Variants in DNAH7 observed in about 807,000 individuals in gnomAD.
DNAH7 encodes axonemal beta dynein heavy chain 7.
A neutral mutation model predicts 444.6 loss-of-function variants in DNAH7; 397 were observed. The observed-to-expected ratio is 0.89, with a 90% confidence interval of 0.82 to 0.97. The LOEUF is 0.97. Ranked by LOEUF, DNAH7 falls within the 50% of genes least tolerant of loss-of-function variation. The probability of loss-of-function intolerance (pLI) is 0.00; values close to 1 mark genes in which losing one functional copy is unlikely to be tolerated. For missense variants in DNAH7, 4,902 were observed against 4,800.8 expected (o/e 1.02, Z -0.62); for synonymous variants, 1,636 against 1,624.4 (o/e 1.01, Z -0.17).
chr2:196,022,146 A>G (rs753988994), intron 8 of DNAH7, among the ~76,000 whole-genome samples: 3 of 152,124 alleles, frequency 2.0e-5, no homozygotes, highest in Non-Finnish European at 2.9e-5. Context: ...AAATGTATAC[A>G]CCTTAATTTT....
chr2:195,843,940 C>A (rs908081730), intron 47 of DNAH7, among the ~76,000 whole-genome samples: 12 of 151,706 alleles, frequency 7.9e-5, no homozygotes, highest in African/African-American at 2.9e-4. Context: ...ACTAAAAATA[C>A]AAAAAATTAG....
At position 196,048,330 on chromosome 2, in the gene DNAH7, T is replaced by C. The variant is rs765963094; in HGVS notation, c.216A>G (p.Pro72=). ...GTTCATTTTTAACACTAAATGGTTC[T>C]GGACTCTCATCATCCTGCTTTACAC... ...HLSVKQDDES[P]EPFSVKNEQS... is the part of the protein sequence containing the mutation. The change falls in exon 4 of 65, where the codon CCA becomes CCG. Residue 72 remains proline (P), a synonymous_variant. Coordinates refer to ENST00000312428, the MANE Select transcript of DNAH7 (RefSeq NM_018897.3). 17 of 1,613,940 alleles carry C rather than the reference T, an allele frequency of 1.1e-5. No homozygotes were observed. Among genetic ancestry groups the C allele is most frequent in the Middle Eastern group, 1.6e-4 (1 of 6,084 alleles).
chr2:195,806,771 A>T lies in DNAH7; in HGVS notation c.10145T>A (p.Met3382Lys), dbSNP rs778993421. ...TGGCCTCAAGCAACGAATAATAAGC[A>T]TCCTTTGAAACTCATTTGCTTTATC... ...WEDKANEFQR[M>K]LIIRCLRPDK... Residue 3382 changes from methionine to lysine, a missense_variant, in exon 54 of 65, where the codon ATG (methionine) becomes AAG (lysine). Physicochemically the swap from Met to Lys is moderately conservative, Grantham distance 95. Transcript: ENST00000312428. 1 of 1,613,696 alleles carries T rather than the reference A, an allele frequency of 6.2e-7. No individual in the cohort carries two copies. The highest frequency in any genetic ancestry group is 1.1e-5 in the South Asian group (1 of 91,064).
At chr2:195,971,358 C>G (rs575270909) in intron 16 of DNAH7, among the ~76,000 whole-genome samples, 16 of 152,216 alleles carry the variant, frequency 1.1e-4, no homozygotes, top group African/African-American at 3.9e-4. Flanking sequence ...AGTCACTGTG[C>G]TGGGAAGTGG....
At chr2:195,910,229 T>A (rs1199824032) in intron 24 of DNAH7, 34 bp from the exon 25 acceptor site, 1 of 1,477,394 alleles carries the variant, frequency 6.8e-7, no homozygotes, top group East Asian at 2.5e-5. Context: ...CTTTGTAGAA[T>A]AATGTGATTT....
At chr2:195,944,270 C>T (rs1689654874) in intron 19 of DNAH7, among the ~76,000 whole-genome samples, 1 of 152,144 alleles carries the variant, frequency 6.6e-6, no homozygotes, top group South Asian at 2.1e-4. Context: ...TCTCTAATTT[C>T]TTTAAATCCA....
intron 20 of DNAH7, among the ~76,000 whole-genome samples, chr2:195,935,087 T>C (rs1688959728): frequency 6.6e-6 from 1 of 152,206 alleles, no homozygotes; most frequent in Non-Finnish European, 1.5e-5. Flanking sequence ...AATTAAAAGA[T>C]GCTAAAGGTA....
chr2:195,831,311 A>C (rs998791549), intron 48 of DNAH7, among the ~76,000 whole-genome samples: 3 of 152,214 alleles, frequency 2.0e-5, no homozygotes, highest in African/African-American at 7.2e-5. Context: ...ATCTTATCAT[A>C]AACTGCAATA....
chr2:195,931,800 G>C (rs576914721), intron 21 of DNAH7, among the ~76,000 whole-genome samples: 2 of 152,192 alleles, frequency 1.3e-5, no homozygotes, highest in African/African-American at 4.8e-5. Context: ...TTTGGTAACA[G>C]TGCCATGCTG....
In DNAH7 at chr2:195,776,618, A is replaced by G. The variant is rs2105950006; in HGVS notation, c.11065-635T>C. Among the ~76,000 whole-genome samples the G allele has an allele frequency of 2.0e-5, 3 of 152,068 alleles. No individual in the cohort carries two copies. In the East Asian group the frequency reaches 5.8e-4, roughly 30 times the overall value. ...TTTGCTGATGATTATTCTTATCACA[A>G]TAAAAATATTTTTTTTCTGATTTAC... On this transcript the variant is annotated intron_variant, in intron 59 of 64. Coordinates refer to ENST00000312428, the MANE Select transcript of DNAH7 (RefSeq NM_018897.3).
At chr2:196,063,349 A>G (rs1698240701) in intron 1 of DNAH7, 1 of 152,208 alleles carries the variant, frequency 6.6e-6, no homozygotes, top group Non-Finnish European at 1.5e-5. Context: ...CATATTGGGT[A>G]TCAGGGAGTG....
Position 195,864,558 on chromosome 2 carries a change from T to C in DNAH7, c.7097A>G (p.Glu2366Gly), listed in dbSNP as rs1420238191. 6.2e-7 allele frequency: 1 copy of C among 1,614,172 alleles called. No homozygotes were observed. The highest frequency in any genetic ancestry group is 1.1e-5 in the South Asian group (1 of 91,082). The change falls in exon 41 of 65, where the codon GAA becomes GGA. Residue 2366 changes from glutamate to glycine, a missense_variant. Coordinates refer to ENST00000312428, the MANE Select transcript of DNAH7 (RefSeq NM_018897.3). ...AGTAGTATCATACCCCTTAGAGATTTCAACTTGGAAAACTGAATAATCAGC... is the reference window on the plus strand; with the variant it reads ...AGTAGTATCATACCCCTTAGAGATTCCAACTTGGAAAACTGAATAATCAGC... ...HMADYSVFQV[E>G]ISKGYDTTEW...
At chr2:195,807,939 C>A (rs1218909185) in intron 53 of DNAH7, among the ~76,000 whole-genome samples, 3 of 152,092 alleles carry the variant, frequency 2.0e-5, no homozygotes, top group Admixed American at 6.5e-5. Flanking sequence ...ACATATAATA[C>A]AACAATATAG....
At chr2:195,881,739 A>G (rs1448745993) in intron 36 of DNAH7, 56 bp downstream of exon 36, 11 of 1,509,994 alleles carry the variant, frequency 7.3e-6, no homozygotes, top group Non-Finnish European at 9.9e-6. Flanking sequence ...GCTATTTCAA[A>G]AACATTCTTA....
chr2:195,951,422 T>G (rs879286795), intron 19 of DNAH7, among the ~76,000 whole-genome samples: 7 of 152,178 alleles, frequency 4.6e-5, no homozygotes, highest in Non-Finnish European at 8.8e-5. Flanking sequence ...TTCTGTTGAT[T>G]TGGGGCAGAG....
At chr2:196,041,830 A>C (rs1696780955) in intron 5 of DNAH7, among the ~76,000 whole-genome samples, 1 of 152,014 alleles carries the variant, frequency 6.6e-6, no homozygotes, top group African/African-American at 2.4e-5. Flanking sequence ...AATAACCAGA[A>C]TATATAAGGA....
In DNAH7 at chr2:195,858,691, T is replaced by G. The variant is rs993875474; in HGVS notation, c.7850A>C (p.Lys2617Thr). ...MELEALHPQL[K>T]VASKEVDEMM... ...TTCATCAACCTCTTTGCTAGCAACTTTTAATTGAGGATGTAGTGCCTCCAA... is the reference window on the plus strand; with the variant it reads ...TTCATCAACCTCTTTGCTAGCAACTGTTAATTGAGGATGTAGTGCCTCCAA... The change falls in exon 43 of 65, where the codon AAA (lysine) becomes ACA (threonine). Residue 2617 changes from lysine to threonine, a missense_variant. By Grantham distance (78) the Lys-to-Thr change is moderately conservative. Coordinates refer to ENST00000312428, the MANE Select transcript of DNAH7 (RefSeq NM_018897.3). 1.2e-6 allele frequency: 2 copies of G among 1,613,970 alleles called. No individual in the cohort carries two copies. The highest frequency in any genetic ancestry group is 2.7e-5 in the African/African-American group (2 of 74,928).
chr2:195,971,755 A>G (rs1227318528), intron 16 of DNAH7, among the ~76,000 whole-genome samples: 1 of 152,096 alleles, frequency 6.6e-6, no homozygotes, highest in Non-Finnish European at 1.5e-5. Context: ...ATCATCTTAT[A>G]TGGAAGACTG....
chr2:195,882,564 A>C (rs1306045528), intron 35 of DNAH7, among the ~76,000 whole-genome samples: 1 of 152,228 alleles, frequency 6.6e-6, no homozygotes, highest in Non-Finnish European at 1.5e-5. Flanking sequence ...AGATCTCTAG[A>C]ACAGGCAAGA....
Sources: gnomAD v4.1 joint callset for allele counts (sites outside exome capture counted in the v4.1 genomes callset) on GRCh38, gnomAD v4.1.1 for gene constraint, MANE v1.5 for transcripts, NCBI Gene and HGNC (gene_info 2026-07-23, HGNC 2026-07-21) for gene names.